CACNA1S: variants seen among roughly 807,000 people sequenced by gnomAD.
CACNA1S encodes the protein voltage-dependent L-type calcium channel subunit alpha-1S.
A neutral mutation model predicts 207.4 loss-of-function variants in CACNA1S; 126 were observed. The observed-to-expected ratio is 0.61, with a 90% confidence interval of 0.53 to 0.70. The LOEUF is 0.70. Ranked by LOEUF, CACNA1S falls within the 30% of genes least tolerant of loss-of-function variation. CACNA1S has a pLI of 0.00. For synonymous variants in CACNA1S, 960 were observed against 932.7 expected (o/e 1.03, Z -0.53); for missense variants, 2,349 against 2,422.8 (o/e 0.97, Z 0.64).
At chr1:201,049,895 T>G (rs951041027) in intron 34 of CACNA1S, among the ~76,000 whole-genome samples, 2 of 152,210 alleles carry the variant, frequency 1.3e-5, no homozygotes, top group Admixed American at 6.5e-5. Flanking sequence ...TTTCCTCATC[T>G]GAGACTGAGA....
chr1:201,070,495 C>A, intron 16 of CACNA1S, 91 bp from the exon 17 acceptor site: 1 of 1,571,866 alleles, frequency 6.4e-7, no homozygotes, highest in South Asian at 1.1e-5. Context: ...GGAGCCCCTG[C>A]AGCCAGTAAG....
chr1:201,069,414 C>T, intron 18 of CACNA1S, 58 bp downstream of exon 18: 5 of 1,599,522 alleles, frequency 3.1e-6, no homozygotes, highest in Non-Finnish European at 4.3e-6. Context: ...CCCTGGGCAC[C>T]AGACTGAGGC....
rs1553251633 is a variant in CACNA1S at position 201,078,066 on chromosome 1, C to A, written c.1432G>T (p.Glu478Ter). Residue 478 changes from glutamate (E) to a stop codon, truncating the protein, a stop_gained, in exon 11 of 44, where the codon GAG becomes TAG. Transcript: ENST00000362061. LOFTEE classifies it high-confidence loss of function. ...AGCCCGTACATCTTCATCAGCATCTCAGTGGTGAAGAGGGACAGCAGCACC... is the reference window on the plus strand; with the variant it reads ...AGCCCGTACATCTTCATCAGCATCTAAGTGGTGAAGAGGGACAGCAGCACC... ...NRVLLSLFTT[E>*]MLMKMYGLGL... 6.2e-7 allele frequency: 1 copy of A among 1,614,204 alleles called. No homozygotes were observed. The highest frequency in any genetic ancestry group is 1.1e-5 in the South Asian group (1 of 91,082).
chr1:201,093,818 T>C, intron 3 of CACNA1S, 64 bp downstream of exon 3: 1 of 1,588,592 alleles, frequency 6.3e-7, no homozygotes, highest in East Asian at 2.2e-5. Context: ...CTGGTGGTGG[T>C]GGCAGTGGGC....
intron 7 of CACNA1S, among the ~76,000 whole-genome samples, chr1:201,086,100 C>A (rs1055095582): frequency 4.6e-5 from 7 of 152,210 alleles, no homozygotes; most frequent in Non-Finnish European, 1.0e-4. Context: ...CAGAGGGCAG[C>A]CCTGGGCTAT....
chr1:201,085,425 T>G lies in CACNA1S; in HGVS notation c.1150+11A>C. On this transcript the variant is annotated intron_variant, in intron 8 of 43. Transcript: ENST00000362061. ...TGGGGTGAGTGCTGACCACAGCCTT[T>G]GGGCCCAAACCTTCTCTGAAGTCCT... 6.2e-7 allele frequency: 1 copy of G among 1,613,742 alleles called. No individual in the cohort carries two copies. Among genetic ancestry groups the G allele is most frequent in the Non-Finnish European group, 8.5e-7 (1 of 1,179,980 alleles).
At chr1:201,073,689 G>A in intron 14 of CACNA1S, 47 bp from the exon 15 acceptor site, 1 of 1,460,058 alleles carries the variant, frequency 6.8e-7, no homozygotes, top group Non-Finnish European at 9.6e-7. Context: ...AAGTTCTCAG[G>A]GATCTGCTGA....
At chr1:201,045,662 G>A (rs1034393290) in intron 38 of CACNA1S, among the ~76,000 whole-genome samples, 6 of 151,314 alleles carry the variant, frequency 4.0e-5, no homozygotes, top group African/African-American at 1.5e-4. Flanking sequence ...TTGAACCCGG[G>A]AGGCAGAGGT....
At chr1:201,046,437 T>G (rs1660471007) in intron 38 of CACNA1S, among the ~76,000 whole-genome samples, 1 of 151,916 alleles carries the variant, frequency 6.6e-6, no homozygotes, top group African/African-American at 2.4e-5. Flanking sequence ...CTTCTTGGCC[T>G]CCCAAAGCGC....
intron 2 of CACNA1S, among the ~76,000 whole-genome samples, chr1:201,105,379 T>A (rs964623992): frequency 6.6e-6 from 1 of 152,168 alleles, no homozygotes; most frequent in Non-Finnish European, 1.5e-5. Context: ...TCCAGTTACC[T>A]CTCTCAAGTA....
intron 22 of CACNA1S, among the ~76,000 whole-genome samples, chr1:201,063,532 G>T (rs972110251): frequency 6.6e-6 from 1 of 152,036 alleles, no homozygotes; most frequent in Non-Finnish European, 1.5e-5. Flanking sequence ...CAAGTGATCC[G>T]CCCGCCTCGG....
chr1:201,072,649 GT>G, intron 16 of CACNA1S, 105 bp downstream of exon 16: 1 of 824,288 alleles, frequency 1.2e-6, no homozygotes, highest in Non-Finnish European at 2.1e-6. Flanking sequence ...ACATGGAGGG[GT>G]ACAGGTAGGG....
At chr1:201,111,452 C>A (rs1663101433) in intron 1 of CACNA1S, among the ~76,000 whole-genome samples, 1 of 152,152 alleles carries the variant, frequency 6.6e-6, no homozygotes, top group African/African-American at 2.4e-5. Context: ...CCCACCAGAG[C>A]AAATGCAAAC....
intron 15 of CACNA1S, among the ~76,000 whole-genome samples, 193 bp from the exon 16 acceptor site, chr1:201,073,017 AGCTCCCAC>A (rs1353364746): frequency 1.3e-5 from 2 of 152,156 alleles, no homozygotes; most frequent in Non-Finnish European, 2.9e-5. Flanking sequence ...AACTTGCAAA[AGCTCCCAC>A]GGGGCAAGGC....
intron 29 of CACNA1S, among the ~76,000 whole-genome samples, chr1:201,054,276 G>T (rs988501127): frequency 1.3e-5 from 2 of 152,170 alleles, no homozygotes; most frequent in African/African-American, 2.4e-5. Flanking sequence ...GAGAGAACCC[G>T]CACTCCATCT....
chr1:201,060,928 T>C, intron 25 of CACNA1S, 112 bp from the exon 26 acceptor site: 1 of 1,326,740 alleles, frequency 7.5e-7, no homozygotes, highest in Non-Finnish European at 1.1e-6. Context: ...CCAGGGGCTG[T>C]GGCTGAGGAC....
intron 2 of CACNA1S, among the ~76,000 whole-genome samples, 189 bp from the exon 3 acceptor site, chr1:201,094,210 T>C (rs1662336469): frequency 6.6e-6 from 1 of 151,436 alleles, no homozygotes; most frequent in African/African-American, 2.4e-5. Flanking sequence ...ACTCCCTCAC[T>C]TTCCACAGGT....
intron 32 of CACNA1S, 136 bp downstream of exon 32, chr1:201,052,421 C>CT: frequency 1.4e-6 from 1 of 705,678 alleles, no homozygotes; most frequent in Non-Finnish European, 2.6e-6. Context: ...GCAGGGGACC[C>CT]TTCTGAGTAT....
In CACNA1S at chr1:201,053,146, C is replaced by T. The variant is rs1660714488; in HGVS notation, c.3861+63G>A. On this transcript the variant is annotated intron_variant, in intron 31 of 43. Coordinates refer to ENST00000362061, the MANE Select transcript of CACNA1S (RefSeq NM_000069.3). This position sits in a 1 kb window ranked among gnomAD's most constrained non-coding sequence, Gnocchi z 5.1. ...TGTGCTGCTCAGGCTCCTCAGGGTCCACTGATGCCCCCTCTAACTTGGCCA... is the reference window on the plus strand; with the variant it reads ...TGTGCTGCTCAGGCTCCTCAGGGTCTACTGATGCCCCCTCTAACTTGGCCA... 2 of 1,581,596 alleles carry T rather than the reference C, an allele frequency of 1.3e-6. No homozygotes were observed. Among genetic ancestry groups the T allele is most frequent in the Non-Finnish European group, 1.7e-6 (2 of 1,150,432 alleles).
Sources: allele counts gnomAD v4.1 joint callset (sites outside exome capture counted in the v4.1 genomes callset), GRCh38; gene constraint gnomAD v4.1.1; non-coding constraint Gnocchi (gnomAD v3.1); transcripts MANE v1.5; gene names NCBI Gene and HGNC (gene_info 2026-07-23, HGNC 2026-07-21).